The following RNF2 variants were observed in gnomAD, a reference collection of about 807,000 sequenced individuals.
RNF2 encodes the protein ring finger protein 2, also known as E3 ubiquitin-protein ligase RING2.
RNF2 carries 6 observed loss-of-function variants against 37.2 expected under a neutral mutation model. The observed-to-expected ratio is 0.16, with a 90% CI of 0.09 to 0.32. The LOEUF (loss-of-function observed/expected upper bound fraction) is 0.32. Ranked by LOEUF, RNF2 falls within the 10% of genes least tolerant of loss-of-function variation. RNF2 has a pLI of 1.00. For synonymous variants in RNF2, 133 were observed against 132.7 expected (o/e 1.00, Z -0.02); for missense variants, 251 against 404.0 (o/e 0.62, Z 3.25).
Position 185,058,988 on chromosome 1 carries a change from C to T in RNF2, c.-3+13339C>T, listed in dbSNP as rs376757799. Among the ~76,000 whole-genome samples the T allele has an allele frequency of 2.6e-5, 4 of 152,174 alleles. No homozygotes were observed. The East Asian group carries it at 7.7e-4, about 29-fold the overall frequency. On this transcript the variant is annotated intron_variant, in intron 1 of 6. Transcript: ENST00000367510. ...TGTGCTAATTTTAGATTTATCAGAGCTATAAAACTTCTACTAGTTTCTGGT... is the reference window on the plus strand; with the variant it reads ...TGTGCTAATTTTAGATTTATCAGAGTTATAAAACTTCTACTAGTTTCTGGT...
rs534892836 is a variant in RNF2, at chr1:185,082,475, C to A, written c.-2-5077C>A. On this transcript the variant is annotated intron_variant, in intron 1 of 6. Transcript: ENST00000367510. ...AAGCGATCCTCCTGCCTCAGCCCCC[C>A]AGTAGCTGGGATTACAGGCACATGC... 7.2e-5 allele frequency among the ~76,000 whole-genome samples: 11 copies of A among 151,834 alleles called. No individual in the cohort carries two copies. The East Asian group carries it at 1.7e-3, about 24-fold the overall frequency.
Position 185,098,269 on chromosome 1 carries a change from A to G in RNF2, c.662A>G (p.Asp221Gly), listed in dbSNP as rs1456018986. 1.2e-6 allele frequency: 2 copies of G among 1,614,176 alleles called. No homozygotes were observed. Among genetic ancestry groups the G allele is most frequent in the East Asian group, 2.2e-5 (1 of 44,882 alleles). Residue 221 changes from aspartate (D) to glycine (G), a missense_variant, in exon 5 of 7, where the codon GAT (aspartate) becomes GGT (glycine). Physicochemically the swap from Asp to Gly is moderately conservative, Grantham distance 94. Coordinates refer to ENST00000367510, the MANE Select transcript of RNF2 (RefSeq NM_007212.4). ...GCAATGGCAATTGATCCAGTAATGG[A>G]TGGTGCTAGTGAAATTGAATTAGTA... is the stretch of plus-strand genomic sequence containing the variant. ...NAAMAIDPVMDGASEIELVFR... is the reference protein window; with the variant it reads ...NAAMAIDPVMGGASEIELVFR...
intron 5 of RNF2, among the ~76,000 whole-genome samples, chr1:185,099,093 C>A (rs940937185): frequency 2.0e-5 from 3 of 150,512 alleles, no homozygotes; most frequent in African/African-American, 7.3e-5. Context: ...GCTCTGTCTC[C>A]CAGGCTGGAG....
At chr1:185,048,379 T>C (rs1650176496) in intron 1 of RNF2, among the ~76,000 whole-genome samples, 1 of 152,370 alleles carries the variant, frequency 6.6e-6, no homozygotes, top group Admixed American at 6.5e-5. Context: ...GTTATGTATC[T>C]TGTTGGATGC....
At chr1:185,054,663 T>C (rs1650378186) in intron 1 of RNF2, among the ~76,000 whole-genome samples, 1 of 152,170 alleles carries the variant, frequency 6.6e-6, no homozygotes, top group African/African-American at 2.4e-5. Flanking sequence ...CGCCTCAGTT[T>C]CTTTTTAATC....
intron 1 of RNF2, among the ~76,000 whole-genome samples, chr1:185,076,114 ATTGT>A (rs1651143368): frequency 6.6e-6 from 1 of 150,842 alleles, no homozygotes. Flanking sequence ...TTTCCTAGCT[ATTGT>A]TTATCTTTTA....
intron 1 of RNF2, among the ~76,000 whole-genome samples, chr1:185,083,484 C>T (rs569294809): frequency 8.5e-5 from 13 of 152,198 alleles, no homozygotes; most frequent in Non-Finnish European, 1.6e-4. Flanking sequence ...TCTCATGTCT[C>T]TCCCCTCCAC....
At chr1:185,056,137 A>T (rs905900954) in intron 1 of RNF2, among the ~76,000 whole-genome samples, 1 of 152,042 alleles carries the variant, frequency 6.6e-6, no homozygotes, top group African/African-American at 2.4e-5. Flanking sequence ...CTTCTGAAAT[A>T]TTTTTTTCAG....
chr1:185,087,471 T>A, intron 1 of RNF2, 81 bp from the exon 2 acceptor site: 1 of 1,163,778 alleles, frequency 8.6e-7, no homozygotes. Flanking sequence ...AACGTAGGAA[T>A]TTTGGTGGGA....
At chr1:185,098,592 A>C (rs1651981642) in intron 5 of RNF2, among the ~76,000 whole-genome samples, 1 of 152,172 alleles carries the variant, frequency 6.6e-6, no homozygotes, top group Non-Finnish European at 1.5e-5. Context: ...ATTTCTCAGC[A>C]ATGATACTAG....
intron 4 of RNF2, among the ~76,000 whole-genome samples, chr1:185,096,586 C>T (rs1355928370): frequency 6.6e-6 from 1 of 151,500 alleles, no homozygotes; most frequent in Admixed American, 6.6e-5. Flanking sequence ...TTGTTATTTA[C>T]TGTTATTTAT....
intron 5 of RNF2, among the ~76,000 whole-genome samples, chr1:185,098,883 C>T (rs755616880): frequency 9.2e-5 from 14 of 151,566 alleles, no homozygotes; most frequent in Non-Finnish European, 2.1e-4. Flanking sequence ...TCCCGAGTAG[C>T]TGGGACTACA....
intron 1 of RNF2, among the ~76,000 whole-genome samples, chr1:185,079,346 C>T (rs1254946883): frequency 6.6e-6 from 1 of 152,126 alleles, no homozygotes; most frequent in East Asian, 1.9e-4. Context: ...CAGACCAGAA[C>T]AAACCAGAAT....
At chr1:185,054,465 A>G (rs1340920552) in intron 1 of RNF2, among the ~76,000 whole-genome samples, 2 of 152,186 alleles carry the variant, frequency 1.3e-5, no homozygotes, top group Non-Finnish European at 2.9e-5. Flanking sequence ...ACTGGCAAGC[A>G]GGCCTTCTTC....
At chr1:185,061,836 C>T (rs1650616437) in intron 1 of RNF2, among the ~76,000 whole-genome samples, 1 of 152,132 alleles carries the variant, frequency 6.6e-6, no homozygotes, top group East Asian at 1.9e-4. Flanking sequence ...CTTTGATCCA[C>T]AGAATATTAC....
chr1:185,098,804 T>C (rs1651988459), intron 5 of RNF2, among the ~76,000 whole-genome samples: 1 of 151,814 alleles, frequency 6.6e-6, no homozygotes, highest in Non-Finnish European at 1.5e-5. Flanking sequence ...CAGGCTGGAG[T>C]GCAGTGGCGC....
chr1:185,091,375 C>A (rs1387980343), intron 2 of RNF2, among the ~76,000 whole-genome samples: 4 of 152,150 alleles, frequency 2.6e-5, no homozygotes, highest in African/African-American at 9.7e-5. Context: ...AAAGCAAGAG[C>A]ATTTTTATAA....
chr1:185,065,281 AAAAATGGACCAATCAGCACTCTGT>A (rs1354705476), intron 1 of RNF2, among the ~76,000 whole-genome samples: 4 of 152,222 alleles, frequency 2.6e-5, no homozygotes, highest in Non-Finnish European at 4.4e-5. Context: ...AGCACTGTGA[AAAAATGGACCAATCAGCACTCTGT>A]AAAATGGACC....
intron 3 of RNF2, 58 bp downstream of exon 3, chr1:185,091,797 A>G: frequency 7.0e-7 from 1 of 1,434,410 alleles, no homozygotes; most frequent in South Asian, 1.3e-5. Context: ...AGTGCTTTCC[A>G]GGGTTTGAGA....
Sources: gnomAD v4.1 joint callset for allele counts (sites outside exome capture counted in the v4.1 genomes callset) on GRCh38, gnomAD v4.1.1 for gene constraint, MANE v1.5 for transcripts, NCBI Gene and HGNC (gene_info 2026-07-23, HGNC 2026-07-21) for gene names.